The following KALRN variants were observed in gnomAD, a reference collection of about 807,000 sequenced individuals.
The protein encoded by KALRN is kalirin RhoGEF kinase.
Under a neutral mutation model 353.7 loss-of-function variants are expected in KALRN, and 70 were observed. That is an observed-to-expected ratio of 0.20 (90% CI 0.16 to 0.24). The LOEUF is 0.24. Among genes scored for constraint, KALRN ranks in the 10% least tolerant of loss-of-function variants. KALRN has a pLI of 1.00. For synonymous variants in KALRN, 1,391 were observed against 1,434.8 expected (o/e 0.97, Z 0.69); for missense variants, 2,791 against 3,756.7 (o/e 0.74, Z 6.72).
intron 3 of KALRN, among the ~76,000 whole-genome samples, chr3:124,238,455 A>G (rs1385494698): frequency 1.3e-5 from 2 of 152,176 alleles, no homozygotes; most frequent in African/African-American, 4.8e-5. Context: ...TGCTGTAGAA[A>G]AAGTTCCTCT....
chr3:124,215,827 A>G (rs963239878), intron 1 of KALRN, among the ~76,000 whole-genome samples: 17 of 152,156 alleles, frequency 1.1e-4, no homozygotes, highest in African/African-American at 4.1e-4. Context: ...GGTGTGTCCT[A>G]TGGTGCCAGC....
intron 17 of KALRN, among the ~76,000 whole-genome samples, chr3:124,437,240 A>G (rs956887094): frequency 6.6e-6 from 1 of 152,182 alleles, no homozygotes; most frequent in Non-Finnish European, 1.5e-5. Flanking sequence ...TTCTCATGTG[A>G]TGCTAGAGAT....
At chr3:124,655,536 C>A in intron 38 of KALRN, 65 bp from the exon 39 acceptor site, 2 of 1,336,752 alleles carry the variant, frequency 1.5e-6, no homozygotes, top group South Asian at 1.2e-5. Flanking sequence ...TTTCTGTGAA[C>A]TTAAGTGAAG....
intron 34 of KALRN, among the ~76,000 whole-genome samples, chr3:124,616,375 A>G (rs574499105): frequency 5.3e-5 from 8 of 152,308 alleles, no homozygotes; most frequent in Middle Eastern, 3.4e-3. Context: ...GTGATAGTAC[A>G]TAAGCCTAAA....
intron 51 of KALRN, among the ~76,000 whole-genome samples, chr3:124,683,992 C>G (rs999485829): frequency 6.6e-6 from 1 of 152,124 alleles, no homozygotes; most frequent in African/African-American, 2.4e-5. Context: ...CCATTTTAAC[C>G]ATTTTTGAGT....
intron 33 of KALRN, among the ~76,000 whole-genome samples, chr3:124,547,986 A>AT (rs1365326971): frequency 2.0e-5 from 3 of 151,988 alleles, no homozygotes; most frequent in African/African-American, 7.3e-5. Context: ...CCAGGTTCTG[A>AT]TTTTTCCTAA....
intron 1 of KALRN, among the ~76,000 whole-genome samples, chr3:124,220,650 G>C (rs997767349): frequency 1.3e-5 from 2 of 152,132 alleles, no homozygotes; most frequent in African/African-American, 4.8e-5. Flanking sequence ...AAGAGACCAG[G>C]ACTTTAAGTC....
chr3:124,180,088 G>A (rs555960986), intron 1 of KALRN, among the ~76,000 whole-genome samples: 1 of 151,438 alleles, frequency 6.6e-6, no homozygotes, highest in East Asian at 1.9e-4. Context: ...TGAGCCTGGG[G>A]TAACTGCTTG....
At position 124,646,391 on chromosome 3, in the gene KALRN, C is replaced by CTTTTTTT. The variant is rs10673161; in HGVS notation, c.5665-4406_5665-4400dup. Among the ~76,000 whole-genome samples, 9 of 110,450 alleles carry CTTTTTTT rather than the reference C, an allele frequency of 8.1e-5. 1 individual carries two copies. The highest frequency in any genetic ancestry group is 3.0e-4 in the South Asian group (1 of 3,354). 72.5% of individuals were successfully genotyped at this position (110,450 alleles called of 152,430 possible). On this transcript the variant is annotated intron_variant, in intron 37 of 59. Transcript: ENST00000682506. ...GACTGCTAGAGGGATCTTTTGTTTACTTTTTTTTTTTTTTTTTGAGACAGA... is the reference window on the plus strand; with the variant it reads ...GACTGCTAGAGGGATCTTTTGTTTACTTTTTTTTTTTTTTTTTTTTTTTTGAGACAGA...
chr3:124,300,575 G>A (rs565764816), intron 6 of KALRN, among the ~76,000 whole-genome samples: 130 of 152,290 alleles, frequency 8.5e-4, no homozygotes, highest in African/African-American at 1.3e-3. Context: ...CTCACATTCC[G>A]TTGGCCAACG....
Position 124,199,545 on chromosome 3 carries a change from A to G in KALRN, c.74-28445A>G, listed in dbSNP as rs1347154385. 4.5e-5 allele frequency among the ~76,000 whole-genome samples: 6 copies of G among 133,828 alleles called. No homozygotes were observed. In the Admixed American group the frequency reaches 4.5e-4, roughly 10 times the overall value. 87.8% of individuals were successfully genotyped at this position (133,828 alleles called of 152,430 possible). A position where few individuals can be genotyped will look rare whatever the true frequency, so the allele number is the denominator to read the frequency against. ...ATGTTTTGCATTCATTTATTCAAAT[A>G]ATTTTTATTAAGAAGTTACATATGC... is the stretch of plus-strand genomic sequence containing the variant. On this transcript the variant is annotated intron_variant, in intron 1 of 59. Coordinates refer to ENST00000682506, the MANE Select transcript of KALRN (RefSeq NM_001388419.1).
rs928774892 is a variant in KALRN at position 124,492,683 on chromosome 3, T to G, written c.4690-57T>G. 3.8e-6 allele frequency: 6 copies of G among 1,575,328 alleles called. No homozygotes were observed. In the African/African-American group the frequency reaches 8.1e-5, roughly 21 times the overall value. On this transcript the variant is annotated intron_variant, in intron 31 of 59. Transcript: ENST00000682506. ...AAGACTGCAGGAGGGTTGAGAACTG[T>G]TTTTGGTAAGGTGATGGGAGTTGGG... is the stretch of plus-strand genomic sequence containing the variant.
intron 1 of KALRN, among the ~76,000 whole-genome samples, chr3:124,053,490 A>C (rs1158690896): frequency 6.6e-6 from 1 of 152,184 alleles, no homozygotes; most frequent in Non-Finnish European, 1.5e-5. Flanking sequence ...TGGTGCTTTC[A>C]CCAAGCCTGA....
intron 56 of KALRN, among the ~76,000 whole-genome samples, chr3:124,700,809 G>A (rs1380617102): frequency 6.6e-6 from 1 of 152,128 alleles, no homozygotes; most frequent in Non-Finnish European, 1.5e-5. Flanking sequence ...GGAGTCTCCA[G>A]AGGGGTTTGG....
chr3:124,612,084 G>C (rs910732828), intron 34 of KALRN, among the ~76,000 whole-genome samples: 7 of 152,306 alleles, frequency 4.6e-5, no homozygotes, highest in Middle Eastern at 3.4e-3. Flanking sequence ...GAGGGCAATG[G>C]CACAATCTCA....
At chr3:124,405,332 AG>A (rs2091396710) in intron 13 of KALRN, among the ~76,000 whole-genome samples, 1 of 152,190 alleles carries the variant, frequency 6.6e-6, no homozygotes. Flanking sequence ...CCTGAACTCA[AG>A]TAAAATTATC....
chr3:124,696,424 C>T (rs375399784), intron 54 of KALRN, among the ~76,000 whole-genome samples, 169 bp downstream of exon 54: 3 of 152,234 alleles, frequency 2.0e-5, no homozygotes, highest in South Asian at 2.1e-4. Flanking sequence ...CACCATGCCT[C>T]GCTAATTTTT....
chr3:124,665,275 G>A (rs557070447), intron 45 of KALRN, among the ~76,000 whole-genome samples: 5 of 152,206 alleles, frequency 3.3e-5, no homozygotes, highest in Non-Finnish European at 5.9e-5. Flanking sequence ...GAAGTGCAAG[G>A]TGCTCTGACA....
At chr3:124,128,805 C>G (rs944226698) in intron 1 of KALRN, among the ~76,000 whole-genome samples, 3 of 152,064 alleles carry the variant, frequency 2.0e-5, no homozygotes, top group African/African-American at 7.2e-5. Flanking sequence ...TTCTCAGATG[C>G]TCACTGTGTC....
Sources: gnomAD v4.1 joint callset for allele counts (sites outside exome capture counted in the v4.1 genomes callset) on GRCh38, gnomAD v4.1.1 for gene constraint, MANE v1.5 for transcripts, NCBI Gene and HGNC (gene_info 2026-07-23, HGNC 2026-07-21) for gene names.